Variants in ESRRG observed in about 807,000 individuals in gnomAD.
ESRRG encodes the protein estrogen related receptor gamma.
In ESRRG, 13 loss-of-function variants were observed where a neutral mutation model predicts 44.0. The observed-to-expected ratio is 0.30, with a 90% CI of 0.19 to 0.47. The LOEUF (loss-of-function observed/expected upper bound fraction) is 0.47. Ranked by LOEUF, ESRRG falls within the 20% of genes least tolerant of loss-of-function variation. The pLI, the probability that ESRRG is intolerant of heterozygous loss-of-function variation, is 1.00. For missense variants in ESRRG, 395 were observed against 580.6 expected, an observed-to-expected ratio of 0.68 and a Z score of 3.29; for synonymous variants, 215 against 214.6, an observed-to-expected ratio of 1.00 and a Z score of -0.02.
intron 1 of ESRRG, among the ~76,000 whole-genome samples, chr1:216,716,212 AC>A (rs1239098975): frequency 2.0e-5 from 3 of 151,908 alleles, no homozygotes; most frequent in Admixed American, 2.0e-4. Context: ...GTCTTTCTAA[AC>A]CTATTTTACT....
intron 2 of ESRRG, among the ~76,000 whole-genome samples, chr1:216,765,542 G>A (rs867010945): frequency 1.3e-5 from 2 of 152,188 alleles, no homozygotes; most frequent in Middle Eastern, 3.4e-3. Context: ...AGTTTATCAA[G>A]TCCCCTGGGA....
At chr1:216,650,281 C>T (rs892628776) in intron 3 of ESRRG, among the ~76,000 whole-genome samples, 1 of 152,120 alleles carries the variant, frequency 6.6e-6, no homozygotes, top group African/African-American at 2.4e-5. Context: ...TATCCATCTC[C>T]AAGCTAACAT....
chr1:217,024,542 C>T lies in ESRRG; in HGVS notation c.-106+64965G>A, dbSNP rs75223997. ...CATGTAAGAGACAAACACACCAAAG[C>T]CTGGAGACATGAGCATCATTCAAAA... On this transcript the variant is annotated intron_variant, in intron 1 of 7. Transcript: ENST00000359162. 7.9e-5 allele frequency among the ~76,000 whole-genome samples: 12 copies of T among 152,124 alleles called. No individual in the cohort carries two copies. In the East Asian group the frequency reaches 1.2e-3, roughly 15 times the overall value.
intron 5 of ESRRG, among the ~76,000 whole-genome samples, chr1:216,537,303 A>AC (rs2051271406): frequency 1.3e-5 from 2 of 152,014 alleles, no homozygotes; most frequent in Admixed American, 6.6e-5. Context: ...CTCACCAGAC[A>AC]CTGAATGTGC....
intron 1 of ESRRG, among the ~76,000 whole-genome samples, chr1:217,038,178 A>T (rs2083248364): frequency 6.6e-6 from 1 of 151,874 alleles, no homozygotes; most frequent in Non-Finnish European, 1.5e-5. Flanking sequence ...CCCAGAAGGG[A>T]CTCTGTGTGG....
At chr1:216,691,164 G>A (rs2078985735) in intron 1 of ESRRG, among the ~76,000 whole-genome samples, 1 of 152,040 alleles carries the variant, frequency 6.6e-6, no homozygotes, top group African/African-American at 2.4e-5. Flanking sequence ...TTTGGCTTTG[G>A]CAATAAGGAA....
At chr1:217,057,956 T>C (rs2087491249) in intron 1 of ESRRG, among the ~76,000 whole-genome samples, 1 of 151,854 alleles carries the variant, frequency 6.6e-6, no homozygotes, top group South Asian at 2.1e-4. Flanking sequence ...AAAATAATAA[T>C]GAACATAGGC....
At chr1:216,607,276 C>G (rs2060056554) in intron 3 of ESRRG, among the ~76,000 whole-genome samples, 1 of 152,190 alleles carries the variant, frequency 6.6e-6, no homozygotes, top group South Asian at 2.1e-4. Context: ...GTGGAAAAAA[C>G]TGGCCACCAA....
intron 2 of ESRRG, among the ~76,000 whole-genome samples, chr1:216,871,159 A>G (rs1344554027): frequency 6.6e-6 from 1 of 152,028 alleles, no homozygotes. Flanking sequence ...CTTTAGCTGT[A>G]TCACATACAT....
chr1:216,970,782 C>G (rs17044582), intron 1 of ESRRG, among the ~76,000 whole-genome samples: 6,825 of 152,202 alleles, frequency 0.045, 363 homozygotes, highest in African/African-American at 0.11. Flanking sequence ...TGCTTAGATA[C>G]CTTACTCTTC....
intron 5 of ESRRG, among the ~76,000 whole-genome samples, chr1:216,547,823 C>T (rs1572738718): frequency 6.6e-6 from 1 of 152,056 alleles, no homozygotes; most frequent in South Asian, 2.1e-4. Context: ...GTAGCACTGC[C>T]AATTTTTTCA....
At chr1:216,702,608 C>CAAA (rs61361041) in intron 1 of ESRRG, among the ~76,000 whole-genome samples, 30,599 of 132,040 alleles carry the variant, frequency 0.23, 3,857 homozygotes, top group African/African-American at 0.32. Context: ...ACTAAAAATA[C>CAAA]AAAAAAAAAA....
intron 2 of ESRRG, among the ~76,000 whole-genome samples, chr1:216,878,321 A>G (rs1046426678): frequency 3.3e-5 from 5 of 152,132 alleles, no homozygotes; most frequent in Non-Finnish European, 7.4e-5. Flanking sequence ...CTAGATACTA[A>G]TCCCTCATCA....
In ESRRG at chr1:216,699,461, C is replaced by G. The variant is rs147554445; in HGVS notation, c.57-21970G>C. On this transcript the variant is annotated intron_variant, in intron 1 of 6. Coordinates refer to ENST00000408911, the MANE Select transcript of ESRRG (RefSeq NM_001438.4). ...TGGATATGTTTTTAAACCAAATGAC[C>G]ACAATCTTCAGTCTACCTGTCATGG... Among the ~76,000 whole-genome samples the G allele has an allele frequency of 3.9e-3, 589 of 152,192 alleles. 2 individuals are homozygous for G. Among genetic ancestry groups the G allele is most frequent in the African/African-American group, 0.013 (560 of 41,524 alleles).
chr1:216,778,967 T>C (rs1290459366), intron 2 of ESRRG, among the ~76,000 whole-genome samples: 1 of 150,294 alleles, frequency 6.7e-6, no homozygotes, highest in East Asian at 2.0e-4. Context: ...CATGGGCCTC[T>C]TCCTCAGTCA....
rs140148497 is a variant in ESRRG at position 216,753,657 on chromosome 1, T to C, written c.-13-76166A>G. ...TGCAAATACATAAAAGTGTATATAT[T>C]CTTACATTCCTGTGGTATAGCCCTT... On this transcript the variant is annotated intron_variant, in intron 2 of 7. Coordinates refer to the ESRRG transcript ENST00000359162. 2.0e-5 allele frequency among the ~76,000 whole-genome samples: 3 copies of C among 152,258 alleles called. No individual in the cohort carries two copies. In the East Asian group the frequency reaches 5.8e-4, roughly 29 times the overall value.
chr1:216,932,865 G>C (rs1264059411), intron 2 of ESRRG, among the ~76,000 whole-genome samples: 1 of 150,836 alleles, frequency 6.6e-6, no homozygotes, highest in Non-Finnish European at 1.5e-5. Flanking sequence ...ACCATGTCCA[G>C]CCAATTTATA....
At chr1:216,966,674 A>G (rs977200288) in intron 1 of ESRRG, among the ~76,000 whole-genome samples, 15 of 152,000 alleles carry the variant, frequency 9.9e-5, no homozygotes, top group African/African-American at 2.7e-4. Flanking sequence ...TTATCCTAGC[A>G]TCGTTCTGAG....
intron 2 of ESRRG, among the ~76,000 whole-genome samples, chr1:216,797,216 A>T (rs2094494959): frequency 6.6e-6 from 1 of 152,146 alleles, no homozygotes; most frequent in Non-Finnish European, 1.5e-5. Context: ...TCGCATTAGG[A>T]TAGTACATTT....
Sources: gnomAD v4.1 joint callset for allele counts (sites outside exome capture counted in the v4.1 genomes callset) on GRCh38, gnomAD v4.1.1 for gene constraint, MANE v1.5 for transcripts, NCBI Gene and HGNC (gene_info 2026-07-23, HGNC 2026-07-21) for gene names.